FAM13B: variants seen among roughly 807,000 people sequenced by gnomAD.
The protein encoded by FAM13B is family with sequence similarity 13 member B.
Under a neutral mutation model 117.3 loss-of-function variants are expected in FAM13B, and 60 were observed. That is an observed-to-expected ratio of 0.51 (90% confidence interval 0.42 to 0.63). FAM13B has a LOEUF of 0.63. Ranked by LOEUF, FAM13B falls within the 30% of genes least tolerant of loss-of-function variation. The pLI, the probability that FAM13B is intolerant of heterozygous loss-of-function variation, is 0.00. For missense variants in FAM13B, 972 were observed against 1,091.9 expected (o/e 0.89, Z 1.55); for synonymous variants, 332 against 356.1 (o/e 0.93, Z 0.76).
intron 4 of FAM13B, among the ~76,000 whole-genome samples, chr5:138,016,623 G>T (rs1374761403): frequency 6.6e-6 from 1 of 151,958 alleles, no homozygotes; most frequent in Non-Finnish European, 1.5e-5. Context: ...GACAGAGCAA[G>T]GACATTTCAA....
At chr5:138,034,559 T>G (rs1436484915), upstream of FAM13B, among the ~76,000 whole-genome samples, 2 of 152,346 alleles carry the variant, frequency 1.3e-5, no homozygotes, top group Admixed American at 6.5e-5. Context: ...TAAATTCATA[T>G]CATGGTTTAC....
rs1374883625 is a variant in FAM13B at position 138,010,999 on chromosome 5, T to C, written c.690+9A>G. 1.4e-6 allele frequency: 2 copies of C among 1,380,114 alleles called. No homozygotes were observed. Among genetic ancestry groups the C allele is most frequent in the Non-Finnish European group, 9.7e-7 (1 of 1,032,904 alleles). 85.5% of individuals were successfully genotyped at this position (1,380,114 alleles called of 1,614,324 possible). On this transcript the variant is annotated intron_variant, in intron 6 of 23. Coordinates refer to ENST00000689681, the MANE Select transcript of FAM13B (RefSeq NM_001385994.1). ...AAAAAAATTATCCCTCCAAATAGAA[T>C]ATTCTCACCTGTTCAGTAATTGAAC... is the stretch of plus-strand genomic sequence containing the variant.
In FAM13B at chr5:137,989,738, A is replaced by G. The variant is rs113602488; in HGVS notation, c.849-1423T>C. ...AGCTACTTAGGAGGCTGAGGCAGGA[A>G]GATCGCTTGAGCCCAGGGAGGTTGC... is the stretch of plus-strand genomic sequence containing the variant. On this transcript the variant is annotated intron_variant, in intron 7 of 23. Transcript: ENST00000689681. Among the ~76,000 whole-genome samples, 36 of 152,244 alleles carry G rather than the reference A, an allele frequency of 2.4e-4. 3 individuals carry two copies. Among genetic ancestry groups the G allele is most frequent in the African/African-American group, 8.2e-4 (34 of 41,560 alleles).
At chr5:137,950,441 A>G (rs1460570743) in intron 17 of FAM13B, among the ~76,000 whole-genome samples, 1 of 152,216 alleles carries the variant, frequency 6.6e-6, no homozygotes, top group African/African-American at 2.4e-5. Flanking sequence ...GGCCAAGGGC[A>G]GACTGTGCAA....
At chr5:138,000,569 A>T (rs1484397794) in intron 7 of FAM13B, among the ~76,000 whole-genome samples, 1 of 152,166 alleles carries the variant, frequency 6.6e-6, no homozygotes, top group Non-Finnish European at 1.5e-5. Context: ...TAAAACTAAT[A>T]AAGGAGAAAG....
upstream of FAM13B, among the ~76,000 whole-genome samples, chr5:138,034,995 CTTTTTTTTTTTTTTTTT>C (rs557807234): frequency 4.1e-4 from 14 of 34,378 alleles, 1 homozygote; most frequent in Middle Eastern, 0.023. Flanking sequence ...ATTCCCTTGC[CTTTTTTTTTTTTTTTTT>C]TTTTTTTTTT....
intron 22 of FAM13B, 55 bp downstream of exon 22, chr5:137,942,820 T>C: frequency 6.8e-7 from 1 of 1,478,526 alleles, no homozygotes; most frequent in Non-Finnish European, 9.1e-7. Context: ...TCAAATTTCT[T>C]GGCATATACA....
intron 20 of FAM13B, among the ~76,000 whole-genome samples, chr5:137,945,394 ATTATT>A (rs1192795232): frequency 6.6e-6 from 1 of 152,226 alleles, no homozygotes; most frequent in Non-Finnish European, 1.5e-5. Context: ...ACCAATAAGC[ATTATT>A]TTAAGTGACT....
chr5:137,945,407 ACTT>A (rs1001343397), intron 20 of FAM13B, among the ~76,000 whole-genome samples: 1 of 152,226 alleles, frequency 6.6e-6, no homozygotes, highest in Non-Finnish European at 1.5e-5. Context: ...ATTTTAAGTG[ACTT>A]CTTCTCATTA....
At chr5:137,991,451 C>A (rs1451482460) in intron 7 of FAM13B, among the ~76,000 whole-genome samples, 1 of 152,158 alleles carries the variant, frequency 6.6e-6, no homozygotes, top group African/African-American at 2.4e-5. Flanking sequence ...TCTCTTACAG[C>A]ATCTCTAGAG....
Position 137,973,610 on chromosome 5 carries a change from G to C in FAM13B, c.1180-11141C>G, listed in dbSNP as rs146280782. Among the ~76,000 whole-genome samples, 644 of 152,314 alleles carry C rather than the reference G, an allele frequency of 4.2e-3. 14 individuals carry two copies. In the East Asian group the frequency reaches 0.077, roughly 18 times the overall value. On this transcript the variant is annotated intron_variant, in intron 10 of 23. Transcript: ENST00000689681. Reference sequence around the variant, plus strand: ...CAACAAAAGCCAAAATTGACAAATGGGATCTGATTAAAGAGCTTCTGCACA... The same window carrying C: ...CAACAAAAGCCAAAATTGACAAATGCGATCTGATTAAAGAGCTTCTGCACA...
At chr5:137,946,806 A>G (rs1763575574) in intron 18 of FAM13B, among the ~76,000 whole-genome samples, 1 of 152,232 alleles carries the variant, frequency 6.6e-6, no homozygotes, top group Admixed American at 6.5e-5. Context: ...GCATGTGCAT[A>G]CACACATAGG....
At chr5:137,997,486 T>C (rs1780166095) in intron 7 of FAM13B, among the ~76,000 whole-genome samples, 1 of 150,252 alleles carries the variant, frequency 6.7e-6, no homozygotes, top group Admixed American at 6.6e-5. Context: ...TATATATATA[T>C]ATAATATATA....
intron 13 of FAM13B, among the ~76,000 whole-genome samples, chr5:137,959,271 TC>T (rs2150280062): frequency 6.6e-6 from 1 of 152,334 alleles, no homozygotes; most frequent in South Asian, 2.1e-4. Context: ...ACTGGTGAGA[TC>T]CCTAAGCCTT....
chr5:137,946,268 T>C lies in FAM13B; in HGVS notation c.2204A>G (p.Gln735Arg), dbSNP rs1170280460. Residue 735 changes from glutamine (Q) to arginine (R), a missense_variant, in exon 19 of 24, where the codon CAG (glutamine) becomes CGG (arginine). Gln to Arg is a conservative substitution (Grantham distance 43). Transcript: ENST00000689681. ...DHLVEEKASL[Q>R]KSLLYYESQH... is the part of the protein sequence containing the mutation. ...ACTTTCATAGTAAAGAAGACTTTTC[T>C]GAAGAGAAGCTTTCTCTTCTACCAA... The C allele has an allele frequency of 1.9e-6, 3 of 1,591,124 alleles. No individual in the cohort carries two copies. The highest frequency in any genetic ancestry group is 2.4e-5 in the South Asian group (2 of 84,254).
At chr5:138,016,511 G>A (rs958467032) in intron 4 of FAM13B, among the ~76,000 whole-genome samples, 6 of 152,136 alleles carry the variant, frequency 3.9e-5, no homozygotes, top group African/African-American at 9.7e-5. Context: ...GTGCGCGCCT[G>A]TAGTCCCAGC....
At chr5:138,040,135 A>C (rs942186689) in intron 1 of FAM13B, among the ~76,000 whole-genome samples, 2 of 151,944 alleles carry the variant, frequency 1.3e-5, no homozygotes, top group Non-Finnish European at 2.9e-5. Flanking sequence ...GTAGTGGCGC[A>C]TGCCTGTAAT....
chr5:138,048,944 T>C (rs1427671426), intron 1 of FAM13B, among the ~76,000 whole-genome samples: 6 of 148,464 alleles, frequency 4.0e-5, no homozygotes, highest in African/African-American at 7.4e-5. Context: ...ACATTTCTTT[T>C]TTTTTTTTTT....
intron 7 of FAM13B, among the ~76,000 whole-genome samples, chr5:138,004,425 A>T (rs1441944512): frequency 1.3e-5 from 2 of 152,184 alleles, no homozygotes; most frequent in Non-Finnish European, 2.9e-5. Context: ...ATAAATAAAA[A>T]TACTTAATGA....
Sources: allele counts gnomAD v4.1 joint callset (sites outside exome capture counted in the v4.1 genomes callset), GRCh38; gene constraint gnomAD v4.1.1; transcripts MANE v1.5; gene names NCBI Gene and HGNC (gene_info 2026-07-23, HGNC 2026-07-21).